GPC6: variants seen among roughly 807,000 people sequenced by gnomAD.
The protein encoded by GPC6 is glypican 6.
Under a neutral mutation model 55.2 loss-of-function variants are expected in GPC6, and 14 were observed. That is an observed-to-expected ratio of 0.25 (90% confidence interval 0.17 to 0.40). The LOEUF (loss-of-function observed/expected upper bound fraction) is 0.40, where lower values mean the gene tolerates loss of function less well. Among genes scored for constraint, GPC6 ranks in the 10% least tolerant of loss-of-function variants. The pLI, the probability that GPC6 is intolerant of heterozygous loss-of-function variation, is 1.00. For missense variants in GPC6, 641 were observed against 708.5 expected (o/e 0.90, Z 1.08); for synonymous variants, 278 against 259.6 (o/e 1.07, Z -0.68).
intron 1 of GPC6, among the ~76,000 whole-genome samples, chr13:93,430,802 A>G (rs1436564309): frequency 6.6e-6 from 1 of 152,208 alleles, no homozygotes; most frequent in East Asian, 1.9e-4. Flanking sequence ...CTATATCACC[A>G]TCAAGCTATT....
chr13:93,985,361 C>T (rs1425120090), intron 3 of GPC6, among the ~76,000 whole-genome samples: 6 of 151,320 alleles, frequency 4.0e-5, no homozygotes, highest in African/African-American at 1.2e-4. Flanking sequence ...TGCTTGAACC[C>T]AGGAGGTAGA....
At chr13:93,705,681 G>A (rs1334278401) in intron 2 of GPC6, among the ~76,000 whole-genome samples, 1 of 151,678 alleles carries the variant, frequency 6.6e-6, no homozygotes, top group Non-Finnish European at 1.5e-5. Flanking sequence ...AGAACCCCAG[G>A]ACAGTCTCCT....
At chr13:94,178,085 C>G (rs1888852855) in intron 4 of GPC6, among the ~76,000 whole-genome samples, 1 of 143,624 alleles carries the variant, frequency 7.0e-6, no homozygotes, top group African/African-American at 2.7e-5. Flanking sequence ...GTGGTGCGAT[C>G]TCAACTCACT....
rs189043857 is a variant in GPC6, at chr13:93,344,061, C to A, written c.160+116445C>A. On this transcript the variant is annotated intron_variant, in intron 1 of 8. Transcript: ENST00000377047. ...CTTTAACTGAAATTTTGATATCCAG[C>A]TATCATCTAAACATGAGCAACAGTA... Among the ~76,000 whole-genome samples, 669 of 152,266 alleles carry A rather than the reference C, an allele frequency of 4.4e-3. 9 individuals are homozygous for A. The highest frequency in any genetic ancestry group is 0.015 in the African/African-American group (627 of 41,544).
At chr13:93,859,697 ATG>A (rs34032057) in intron 3 of GPC6, among the ~76,000 whole-genome samples, 57,139 of 151,288 alleles carry the variant, frequency 0.38, 11,591 homozygotes, top group African/African-American at 0.53. Flanking sequence ...CTTAACAACC[ATG>A]TAAGCATTTT....
At chr13:93,925,549 A>G (rs1877812449) in intron 3 of GPC6, among the ~76,000 whole-genome samples, 3 of 152,210 alleles carry the variant, frequency 2.0e-5, no homozygotes, top group African/African-American at 7.2e-5. Flanking sequence ...TGTGCCTTAA[A>G]TTGTAGCATA....
intron 1 of GPC6, among the ~76,000 whole-genome samples, chr13:93,309,519 T>A (rs1878990145): frequency 6.6e-6 from 1 of 152,206 alleles, no homozygotes; most frequent in African/African-American, 2.4e-5. Context: ...TTAGTTATGC[T>A]TTTAGTTTAA....
intron 1 of GPC6, among the ~76,000 whole-genome samples, chr13:93,350,060 T>C (rs1393112500): frequency 6.6e-6 from 1 of 152,238 alleles, no homozygotes; most frequent in Non-Finnish European, 1.5e-5. Context: ...ATTTGTCCAC[T>C]TAATAGATGT....
intron 1 of GPC6, among the ~76,000 whole-genome samples, chr13:93,492,842 T>G (rs1035472347): frequency 6.7e-6 from 1 of 150,278 alleles, no homozygotes; most frequent in Non-Finnish European, 1.5e-5. Flanking sequence ...TGGCATATAT[T>G]GAACCAGCCT....
At chr13:93,259,537 C>G (rs1246847655) in intron 1 of GPC6, among the ~76,000 whole-genome samples, 1 of 151,982 alleles carries the variant, frequency 6.6e-6, no homozygotes, top group African/African-American at 2.4e-5. Context: ...CATCTTTCAT[C>G]TTTTAAGGGA....
At chr13:93,310,682 T>G (rs1334667806) in intron 1 of GPC6, among the ~76,000 whole-genome samples, 2 of 152,216 alleles carry the variant, frequency 1.3e-5, no homozygotes, top group African/African-American at 4.8e-5. Flanking sequence ...ATGGTTTTAT[T>G]ATACCATAAA....
At chr13:93,256,793 A>T (rs1199523185) in intron 1 of GPC6, among the ~76,000 whole-genome samples, 2 of 152,158 alleles carry the variant, frequency 1.3e-5, no homozygotes, top group Non-Finnish European at 2.9e-5. Context: ...GCCCTCAAGG[A>T]GCTTACTCTG....
At chr13:93,806,334 A>C (rs887645153) in intron 2 of GPC6, among the ~76,000 whole-genome samples, 70 of 151,738 alleles carry the variant, frequency 4.6e-4, no homozygotes, top group Non-Finnish European at 8.8e-5. Flanking sequence ...CCACAATTTT[A>C]TTCATTTTTA....
At chr13:94,089,457 C>A (rs1309430652) in intron 4 of GPC6, among the ~76,000 whole-genome samples, 1 of 152,156 alleles carries the variant, frequency 6.6e-6, no homozygotes, top group Non-Finnish European at 1.5e-5. Context: ...AGGAGGCTGG[C>A]AGCCTTGGTA....
chr13:94,389,350 G>T (rs1880545018), intron 7 of GPC6, among the ~76,000 whole-genome samples: 1 of 152,146 alleles, frequency 6.6e-6, no homozygotes, highest in Non-Finnish European at 1.5e-5. Flanking sequence ...ATAATGAGCT[G>T]TCTGTACAGA....
chr13:93,833,253 T>A (rs548487010), intron 3 of GPC6, among the ~76,000 whole-genome samples: 63 of 151,894 alleles, frequency 4.1e-4, no homozygotes, highest in Non-Finnish European at 8.5e-4. Context: ...CCAATGAACT[T>A]CCTCACCTAA....
intron 2 of GPC6, among the ~76,000 whole-genome samples, chr13:93,691,206 T>C (rs1333969328): frequency 3.3e-5 from 5 of 152,122 alleles, no homozygotes; most frequent in African/African-American, 1.2e-4. Flanking sequence ...AAACATCTTA[T>C]TTTTTCTCCA....
intron 2 of GPC6, among the ~76,000 whole-genome samples, chr13:93,550,211 C>T (rs1875069313): frequency 6.6e-6 from 1 of 152,144 alleles, no homozygotes; most frequent in African/African-American, 2.4e-5. Flanking sequence ...TTGGCACTAA[C>T]ACCCTATCCT....
chr13:94,163,469 A>G (rs1888240451), intron 4 of GPC6, among the ~76,000 whole-genome samples: 1 of 152,158 alleles, frequency 6.6e-6, no homozygotes, highest in Admixed American at 6.5e-5. Flanking sequence ...TAACCAAAAT[A>G]CCATCATCAC....
Sources: allele counts gnomAD v4.1 joint callset (sites outside exome capture counted in the v4.1 genomes callset), GRCh38; gene constraint gnomAD v4.1.1; transcripts MANE v1.5; gene names NCBI Gene and HGNC (gene_info 2026-07-23, HGNC 2026-07-21).